Variants in HELZ2 observed in about 807,000 individuals in gnomAD.
HELZ2 encodes the protein 3'-5' exoribonuclease HELZ2.
A neutral mutation model predicts 208.8 loss-of-function variants in HELZ2; 143 were observed. The ratio of observed to expected loss-of-function variants is 0.68; its 90% CI spans 0.60 to 0.79. The LOEUF (loss-of-function observed/expected upper bound fraction) is 0.79, where lower values mean the gene tolerates loss of function less well. Among genes scored for constraint, HELZ2 ranks in the 30% least tolerant of loss-of-function variants. The pLI is 0.00. For synonymous variants in HELZ2, 1,705 were observed against 1,693.7 expected (o/e 1.01, Z -0.16); for missense variants, 3,690 against 3,794.5 (o/e 0.97, Z 0.72).
intron 3 of HELZ2, among the ~76,000 whole-genome samples, chr20:63,569,917 A>C (rs392273): frequency 0.57 from 85,916 of 151,820 alleles, 25,020 homozygotes; most frequent in Middle Eastern, 0.73. Flanking sequence ...CTCACCACCC[A>C]CTCTCCAGGT....
exon 8 of HELZ2, chr20:63,564,945 AGGTGCTGGCCTCAGGCAGCACCTCCCG>A (rs780701780): frequency 6.2e-7 from 1 of 1,610,084 alleles, no homozygotes; most frequent in South Asian, 1.1e-5. Flanking sequence ...CCCTGCTCCC[AGGTGCTGGCCTCAGGCAGCACCTCCCG>A]GACGATGCCC....
chr20:63,566,759 G>T, intron 6 of HELZ2, 85 bp downstream of exon 7: 1 of 1,305,320 alleles, frequency 7.7e-7, no homozygotes, highest in Non-Finnish European at 1.0e-6. Flanking sequence ...GGGAAACTGA[G>T]GCGGGGGCTC....
At chr20:63,558,307 C>G (rs961007219), downstream of HELZ2, 1 of 151,900 alleles carries the variant, frequency 6.6e-6, no homozygotes, top group Non-Finnish European at 1.5e-5. Flanking sequence ...GCCCCGGCAC[C>G]CCCCAACCCC....
At chr20:63,569,292 A>G (rs1370940573) in exon 4 of HELZ2, 3 of 1,575,366 alleles carry the variant, frequency 1.9e-6, no homozygotes, top group Non-Finnish European at 2.6e-6. Flanking sequence ...GTACTTGGCC[A>G]TCAGGGCCGT....
At chr20:63,572,056 G>A (rs1436772783) in intron 1 of HELZ2, 52 bp downstream of exon 2, 10 of 1,535,606 alleles carry the variant, frequency 6.5e-6, no homozygotes, top group Non-Finnish European at 8.8e-6. Flanking sequence ...CTCTGGTTCT[G>A]CCTATGGTGG....
At position 63,560,059 on chromosome 20, in the gene HELZ2, C is replaced by T. The variant is rs758449254; in HGVS notation, c.7694G>A (p.Arg2565His). 11 of 1,608,888 alleles carry T rather than the reference C, an allele frequency of 6.8e-6. No homozygotes were observed. Among genetic ancestry groups the T allele is most frequent in the Middle Eastern group, 1.7e-4 (1 of 5,998 alleles). The change falls in exon 18 of 19, where the codon CGC becomes CAC. Residue 2565 changes from arginine (R) to histidine (H), a missense_variant. Transcript: ENST00000467148. ...GTCCAGGTCGCTCTTGGCACAGGTG[C>T]GGACGGTGCTCACCAGCACATAGCG...
chr20:63,560,534 G>C (rs908535542), exon 16 of HELZ2: 1 of 1,610,066 alleles, frequency 6.2e-7, no homozygotes, highest in Non-Finnish European at 8.5e-7. Flanking sequence ...TTCGTCCGTG[G>C]ACACCAGCAG....
chr20:63,570,643 C>T, intron 2 of HELZ2, 32 bp from the exon 4 acceptor site: 1 of 1,593,046 alleles, frequency 6.3e-7, no homozygotes, highest in Non-Finnish European at 8.6e-7. Flanking sequence ...AGCAAGAGGC[C>T]TGGACCCCAC....
chr20:63,565,761 C>A (rs756850171), exon 8 of HELZ2: 3 of 1,601,418 alleles, frequency 1.9e-6, no homozygotes, highest in Non-Finnish European at 2.5e-6. Flanking sequence ...GCTGCCGCAG[C>A]CTCCGTCTGC....
chr20:63,568,876 G>A, exon 5 of HELZ2: 1 of 1,612,138 alleles, frequency 6.2e-7, no homozygotes, highest in Non-Finnish European at 8.5e-7. Flanking sequence ...CCTGGTCTGT[G>A]TCTGGCATCA....
At chr20:63,572,759 C>A (rs1055377898), upstream of HELZ2, 1 of 224,882 alleles carries the variant, frequency 4.4e-6, no homozygotes, top group African/African-American at 2.3e-5. Flanking sequence ...GTTGTGCTGA[C>A]GCTCGAAGGT....
exon 8 of HELZ2, chr20:63,565,765 C>T (rs778538016): frequency 2.8e-5 from 45 of 1,601,108 alleles, no homozygotes; most frequent in Admixed American, 8.3e-5. Flanking sequence ...CCGCAGCCTC[C>T]GTCTGCGCTG....
chr20:63,564,258 G>A (rs1475167352), exon 8 of HELZ2: 2 of 1,611,554 alleles, frequency 1.2e-6, no homozygotes, highest in Non-Finnish European at 1.7e-6. Context: ...ACCATGATGT[G>A]GGCCGCGCGG....
chr20:63,566,736 C>T, intron 6 of HELZ2, 108 bp downstream of exon 7: 2 of 1,147,386 alleles, frequency 1.7e-6, no homozygotes, highest in Non-Finnish European at 2.5e-6. Context: ...ACTGCAGCCC[C>T]CTCTTACAGA....
chr20:63,560,092 C>T, exon 18 of HELZ2: 3 of 1,593,362 alleles, frequency 1.9e-6, no homozygotes, highest in East Asian at 4.6e-5. Flanking sequence ...GCGCCACTCG[C>T]TCCCTGCGGG....
At chr20:63,564,516 C>T in exon 8 of HELZ2, 3 of 1,583,828 alleles carry the variant, frequency 1.9e-6, no homozygotes, top group Non-Finnish European at 2.6e-6. Context: ...TGGCCACTGG[C>T]CTTCTCCATG....
chr20:63,559,957 G>T, exon 18 of HELZ2: 1 of 1,611,572 alleles, frequency 6.2e-7, no homozygotes, highest in Non-Finnish European at 8.5e-7. Context: ...CTGGGCCCGC[G>T]TGACAGCCAC....
chr20:63,562,297 G>T, exon 9 of HELZ2: 1 of 1,598,672 alleles, frequency 6.3e-7, no homozygotes. Flanking sequence ...CCTCTGCAGA[G>T]GGGCTGCGGG....
exon 16 of HELZ2, chr20:63,560,590 C>T (rs1600966485): frequency 6.2e-7 from 1 of 1,612,356 alleles, no homozygotes; most frequent in Non-Finnish European, 8.5e-7. Context: ...CAGGGCAGCT[C>T]TCCTTGCCAG....
Sources: gnomAD v4.1 joint callset for allele counts (sites outside exome capture counted in the v4.1 genomes callset) on GRCh38, gnomAD v4.1.1 for gene constraint, MANE v1.5 for transcripts, NCBI Gene and HGNC (gene_info 2026-07-23, HGNC 2026-07-21) for gene names.